Variants in EPHA6 observed in about 807,000 individuals in gnomAD.
EPHA6 encodes EPH receptor A6.
EPHA6 carries 50 observed loss-of-function variants against 112.0 expected under a neutral mutation model. The ratio of observed to expected loss-of-function variants is 0.45; its 90% CI spans 0.36 to 0.56. The LOEUF is 0.56. Among genes scored for constraint, EPHA6 ranks in the 20% least tolerant of loss-of-function variants. The pLI is 0.00. For synonymous variants in EPHA6, 529 were observed against 490.7 expected (o/e 1.08, Z -1.03); for missense variants, 1,280 against 1,417.4 (o/e 0.90, Z 1.56).
At chr3:97,186,708 C>G (rs550393543) in intron 3 of EPHA6, among the ~76,000 whole-genome samples, 1 of 152,216 alleles carries the variant, frequency 6.6e-6, no homozygotes, top group South Asian at 2.1e-4. Context: ...AATCATGAAT[C>G]TTGAGGATCA....
At chr3:97,395,777 A>G (rs764724476) in intron 5 of EPHA6, among the ~76,000 whole-genome samples, 24 of 151,938 alleles carry the variant, frequency 1.6e-4, no homozygotes, top group Non-Finnish European at 2.8e-4. Context: ...ATGTAAAGAA[A>G]TAAGGCAGTA....
chr3:97,490,686 T>G (rs2091817260), intron 10 of EPHA6, among the ~76,000 whole-genome samples: 1 of 152,212 alleles, frequency 6.6e-6, no homozygotes, highest in Admixed American at 6.5e-5. Context: ...CAACAACTTT[T>G]AGCCCTTATA....
intron 10 of EPHA6, among the ~76,000 whole-genome samples, chr3:97,519,560 G>T (rs1250363885): frequency 6.6e-6 from 1 of 152,128 alleles, no homozygotes; most frequent in African/African-American, 2.4e-5. Flanking sequence ...TCTGTAGATT[G>T]CTTTGGGTAG....
At chr3:97,445,276 A>G (rs2090299723) in intron 6 of EPHA6, among the ~76,000 whole-genome samples, 1 of 152,138 alleles carries the variant, frequency 6.6e-6, no homozygotes, top group South Asian at 2.1e-4. Flanking sequence ...TTAGTGCACA[A>G]GATGGCCAGT....
intron 10 of EPHA6, among the ~76,000 whole-genome samples, chr3:97,512,779 G>T (rs1286844471): frequency 6.6e-6 from 1 of 152,114 alleles, no homozygotes. Context: ...AGGCCAGGCT[G>T]GTCTCAAACT....
At chr3:97,262,759 A>G (rs1252519552) in intron 5 of EPHA6, among the ~76,000 whole-genome samples, 9 of 151,958 alleles carry the variant, frequency 5.9e-5, no homozygotes, top group Non-Finnish European at 1.0e-4. Flanking sequence ...ACTTAGTCAT[A>G]TGTTTATTTT....
chr3:97,657,238 T>C (rs2094142625), intron 14 of EPHA6, among the ~76,000 whole-genome samples: 1 of 151,858 alleles, frequency 6.6e-6, no homozygotes, highest in Non-Finnish European at 1.5e-5. Context: ...AAGGAAAATT[T>C]TCAGGCTGTG....
At chr3:97,268,496 T>A (rs1303762652) in intron 5 of EPHA6, among the ~76,000 whole-genome samples, 2 of 152,186 alleles carry the variant, frequency 1.3e-5, no homozygotes, top group African/African-American at 4.8e-5. Flanking sequence ...TATAAAACAA[T>A]ATTTAGAACA....
intron 3 of EPHA6, among the ~76,000 whole-genome samples, chr3:97,121,358 G>C (rs549186537): frequency 6.6e-6 from 1 of 152,168 alleles, no homozygotes; most frequent in African/African-American, 2.4e-5. Context: ...TGTTGAGATA[G>C]AAGAGGTTGT....
At chr3:97,423,770 A>G (rs866303836) in intron 6 of EPHA6, among the ~76,000 whole-genome samples, 2 of 152,226 alleles carry the variant, frequency 1.3e-5, no homozygotes, top group African/African-American at 4.8e-5. Flanking sequence ...CTATAAGGCT[A>G]CAATAACCAA....
Position 97,483,525 on chromosome 3 carries a change from C to T in EPHA6, c.2075-409C>T, listed in dbSNP as rs574428631. 8.5e-5 allele frequency among the ~76,000 whole-genome samples: 13 copies of T among 152,254 alleles called. No individual in the cohort carries two copies. The South Asian group carries it at 1.2e-3, about 15-fold the overall frequency. On this transcript the variant is annotated intron_variant, in intron 9 of 17. Coordinates refer to ENST00000389672, the MANE Select transcript of EPHA6 (RefSeq NM_001080448.3). ...GGCATGAGTTCATGAAACCTAGTGCCGTAGAGTACAAAGAGTCCAGGAGGA... is the reference window on the plus strand; with the variant it reads ...GGCATGAGTTCATGAAACCTAGTGCTGTAGAGTACAAAGAGTCCAGGAGGA...
At chr3:96,957,020 T>G in intron 2 of EPHA6, among the ~76,000 whole-genome samples, 1 of 137,866 alleles carries the variant, frequency 7.3e-6, no homozygotes, top group Non-Finnish European at 1.5e-5. Flanking sequence ...GTGACAAGAG[T>G]GAAACTTGTC....
At chr3:96,902,652 A>G (rs1247272904) in intron 2 of EPHA6, among the ~76,000 whole-genome samples, 1 of 152,172 alleles carries the variant, frequency 6.6e-6, no homozygotes, top group East Asian at 1.9e-4. Context: ...TGTTGGAGTC[A>G]GAGCCAGTGA....
intron 5 of EPHA6, among the ~76,000 whole-genome samples, chr3:97,277,636 C>A (rs748928381): frequency 6.6e-6 from 1 of 152,084 alleles, no homozygotes; most frequent in Non-Finnish European, 1.5e-5. Flanking sequence ...GTACTTAGTA[C>A]TTTAGGCAAT....
intron 14 of EPHA6, among the ~76,000 whole-genome samples, chr3:97,659,813 A>T (rs2094158617): frequency 6.6e-6 from 1 of 152,044 alleles, no homozygotes; most frequent in Non-Finnish European, 1.5e-5. Flanking sequence ...ATTTTCCTGC[A>T]CTACCACAGA....
intron 14 of EPHA6, among the ~76,000 whole-genome samples, chr3:97,656,299 A>T (rs775884890): frequency 6.6e-6 from 1 of 151,980 alleles, no homozygotes; most frequent in South Asian, 2.1e-4. Context: ...AAAGAGATTA[A>T]GGAAATAAAT....
chr3:97,548,305 CA>C (rs1433836604), intron 11 of EPHA6, among the ~76,000 whole-genome samples: 7 of 152,162 alleles, frequency 4.6e-5, no homozygotes, highest in African/African-American at 1.7e-4. Context: ...TGCATTGTAT[CA>C]GGGGGCACAT....
At chr3:97,500,478 T>C (rs1476883206) in intron 10 of EPHA6, among the ~76,000 whole-genome samples, 1 of 151,994 alleles carries the variant, frequency 6.6e-6, no homozygotes, top group Non-Finnish European at 1.5e-5. Flanking sequence ...TGCTACATAC[T>C]TGTAAACGAC....
chr3:97,191,734 A>G (rs1414568368), intron 3 of EPHA6, among the ~76,000 whole-genome samples: 1 of 152,156 alleles, frequency 6.6e-6, no homozygotes, highest in Non-Finnish European at 1.5e-5. Flanking sequence ...CCATTAACAG[A>G]TGAACACTTA....
Sources: allele counts gnomAD v4.1 joint callset (sites outside exome capture counted in the v4.1 genomes callset), GRCh38; gene constraint gnomAD v4.1.1; transcripts MANE v1.5; gene names NCBI Gene and HGNC (gene_info 2026-07-23, HGNC 2026-07-21).